Variants in PPIL4 observed in about 807,000 individuals in gnomAD.
The protein encoded by PPIL4 is peptidylprolyl isomerase like 4.
Under a neutral mutation model 69.1 loss-of-function variants are expected in PPIL4, and 50 were observed. The ratio of observed to expected loss-of-function variants is 0.72; its 90% CI spans 0.58 to 0.92. PPIL4 has a LOEUF of 0.92. Ranked by LOEUF, PPIL4 falls within the 40% of genes least tolerant of loss-of-function variation. The pLI is 0.00. For missense variants in PPIL4, 480 were observed against 587.9 expected, an observed-to-expected ratio of 0.82 and a Z score of 1.90; for synonymous variants, 193 against 191.6, an observed-to-expected ratio of 1.01 and a Z score of -0.06.
intron 7 of PPIL4, among the ~76,000 whole-genome samples, chr6:149,531,086 G>A (rs982763454): frequency 2.0e-5 from 3 of 152,044 alleles, no homozygotes; most frequent in Admixed American, 6.6e-5. Context: ...TCTATTGGCC[G>A]GGCACGGTGG....
Position 149,512,161 on chromosome 6 carries a change from A to G in PPIL4, c.1221T>C (p.Thr407=), listed in dbSNP as rs900260005. Residue 407 remains threonine (T), a synonymous_variant, in exon 12 of 13, where the codon ACT becomes ACC. Transcript: ENST00000253329. ...GTCTGGACATTAGAGGTACCTGATT[A>G]GTATTTTTGATTGGCATGTAGTCCT... ...EDEDYMPIKN[T]NQDIYREMGF... The G allele has an allele frequency of 6.2e-7, 1 of 1,604,552 alleles. No homozygotes were observed. The highest frequency in any genetic ancestry group is 1.3e-5 in the African/African-American group (1 of 74,428).
chr6:149,519,813 A>G (rs563589747), intron 10 of PPIL4, among the ~76,000 whole-genome samples: 1 of 152,354 alleles, frequency 6.6e-6, no homozygotes, highest in East Asian at 1.9e-4. Flanking sequence ...AGCATGGGAA[A>G]TAAGTGTTAT....
chr6:149,515,184 G>C (rs78296717), intron 11 of PPIL4, among the ~76,000 whole-genome samples: 3 of 141,638 alleles, frequency 2.1e-5, no homozygotes, highest in African/African-American at 8.1e-5. Context: ...ACCGGGTCTC[G>C]CTATATTGCC....
intron 9 of PPIL4, 74 bp downstream of exon 9, chr6:149,525,069 T>C: frequency 1.3e-6 from 1 of 764,796 alleles, no homozygotes; most frequent in South Asian, 1.9e-5. Flanking sequence ...CTAGAAAAAG[T>C]TCTATAATTT....
chr6:149,529,425 T>C (rs776097226), intron 7 of PPIL4, among the ~76,000 whole-genome samples: 179 of 150,480 alleles, frequency 1.2e-3, no homozygotes, highest in Non-Finnish European at 2.0e-3. Flanking sequence ...CCACTGTCCA[T>C]GCAACAGAGC....
chr6:149,531,770 A>G (rs1438956338), intron 7 of PPIL4, among the ~76,000 whole-genome samples: 2 of 152,028 alleles, frequency 1.3e-5, no homozygotes, highest in African/African-American at 4.8e-5. Context: ...GCTGGGTTCA[A>G]GCGATTCTCC....
At chr6:149,535,981 T>C (rs1282903770) in intron 4 of PPIL4, among the ~76,000 whole-genome samples, 1 of 152,246 alleles carries the variant, frequency 6.6e-6, no homozygotes, top group Non-Finnish European at 1.5e-5. Context: ...GTGTATTGAG[T>C]AAGTCTATTG....
At position 149,505,617 on chromosome 6, in the gene PPIL4, G is replaced by A; in HGVS notation, c.1315C>T (p.Gln439Ter). 2 of 1,614,122 alleles carry A rather than the reference G, an allele frequency of 1.2e-6. No individual in the cohort carries two copies. Among genetic ancestry groups the A allele is most frequent in the South Asian group, 1.1e-5 (1 of 91,078 alleles). The change falls in exon 13 of 13, where the codon CAG becomes TAG. Residue 439 changes from glutamine (Q) to a stop codon, truncating the protein, a stop_gained. Transcript: ENST00000253329. LOFTEE classifies it high-confidence loss of function. The stretch of plus-strand genomic sequence containing the variant: ...CGAGATCGGCTACGACTTCGGTTCT[G>A]AGTTCGGTCTCTCTTTTCACTCTTT... ...KQKSEKRDRT[Q>*]NRSRSRSRER...
chr6:149,516,606 C>A (rs982614518), intron 11 of PPIL4, among the ~76,000 whole-genome samples: 8 of 152,084 alleles, frequency 5.3e-5, no homozygotes, highest in African/African-American at 1.4e-4. Flanking sequence ...AATTAGTGAA[C>A]CAATTTAAAT....
At chr6:149,534,142 G>A (rs763955960) in intron 6 of PPIL4, among the ~76,000 whole-genome samples, 1 of 151,990 alleles carries the variant, frequency 6.6e-6, no homozygotes, top group Non-Finnish European at 1.5e-5. Flanking sequence ...GCAACAAAGT[G>A]AGACTCCATC....
chr6:149,508,431 G>C (rs57065071), intron 12 of PPIL4, among the ~76,000 whole-genome samples: 4,099 of 151,978 alleles, frequency 0.027, 161 homozygotes, highest in African/African-American at 0.093. Context: ...GGCAAAAAAA[G>C]AAAAGAAAAA....
intron 7 of PPIL4, 30 bp from the exon 8 acceptor site, chr6:149,526,806 C>T: frequency 6.2e-7 from 1 of 1,603,854 alleles, no homozygotes; most frequent in Admixed American, 1.7e-5. Context: ...AAACATAAAT[C>T]AATTCCTATT....
chr6:149,539,223 G>A (rs1777324219), intron 4 of PPIL4, among the ~76,000 whole-genome samples: 1 of 152,194 alleles, frequency 6.6e-6, no homozygotes, highest in African/African-American at 2.4e-5. Context: ...AAAGGTTTAG[G>A]ATAGTACATA....
At chr6:149,509,478 G>T (rs1026212249) in intron 12 of PPIL4, among the ~76,000 whole-genome samples, 27 of 152,160 alleles carry the variant, frequency 1.8e-4, no homozygotes, top group African/African-American at 6.5e-4. Flanking sequence ...AGCACATGGA[G>T]GGGGAAAGAA....
At chr6:149,540,860 G>A (rs1359570898) in intron 4 of PPIL4, 82 bp downstream of exon 4, 1 of 828,102 alleles carries the variant, frequency 1.2e-6, no homozygotes, top group Non-Finnish European at 2.0e-6. Context: ...AAGCCTTACT[G>A]GATAGTTTAA....
At chr6:149,532,724 G>A (rs1042406974) in intron 7 of PPIL4, among the ~76,000 whole-genome samples, 4 of 152,238 alleles carry the variant, frequency 2.6e-5, no homozygotes, top group Middle Eastern at 3.4e-3. Flanking sequence ...TGAGGCAAGG[G>A]CATTGCTTAA....
At chr6:149,537,766 A>G (rs1777300030) in intron 4 of PPIL4, among the ~76,000 whole-genome samples, 1 of 152,160 alleles carries the variant, frequency 6.6e-6, no homozygotes, top group Non-Finnish European at 1.5e-5. Context: ...TGGAACAACA[A>G]AGCTTGGATG....
At chr6:149,508,480 T>TA (rs1209547145) in intron 12 of PPIL4, among the ~76,000 whole-genome samples, 1 of 152,104 alleles carries the variant, frequency 6.6e-6, no homozygotes, top group African/African-American at 2.4e-5. Context: ...GCAATTAACC[T>TA]AGCAAATGAC....
chr6:149,525,079 T>C, intron 9 of PPIL4, 64 bp downstream of exon 9: 1 of 831,554 alleles, frequency 1.2e-6, no homozygotes, highest in Non-Finnish European at 1.9e-6. Flanking sequence ...TTCTATAATT[T>C]TTCACATTTT....
Sources: allele counts gnomAD v4.1 joint callset (sites outside exome capture counted in the v4.1 genomes callset), GRCh38; gene constraint gnomAD v4.1.1; transcripts MANE v1.5; gene names NCBI Gene and HGNC (gene_info 2026-07-23, HGNC 2026-07-21).